ZFP90: variants seen among roughly 807,000 people sequenced by gnomAD.
ZFP90 encodes ZFP90 zinc finger protein.
ZFP90 carries 38 observed loss-of-function variants against 60.8 expected under a neutral mutation model. That is an observed-to-expected ratio of 0.62 (90% CI 0.48 to 0.82). The LOEUF (loss-of-function observed/expected upper bound fraction) is 0.82, where lower values mean the gene tolerates loss of function less well. Ranked by LOEUF, ZFP90 falls within the 40% of genes least tolerant of loss-of-function variation. The probability of loss-of-function intolerance (pLI) is 0.00; values close to 1 mark genes in which losing one functional copy is unlikely to be tolerated. For synonymous variants in ZFP90, 287 were observed against 264.8 expected (o/e 1.08, Z -0.82); for missense variants, 711 against 759.1 (o/e 0.94, Z 0.74).
chr16:68,564,180 T>A lies in ZFP90; in HGVS notation c.1393T>A (p.Phe465Ile), dbSNP rs750222788. ...GGAAGACTTTAGTCACATTACAGAC[T>A]TTACTGACCATCAGAGGATCCATAC... ...CGEDFSHITD[F>I]TDHQRIHTAE... Residue 465 changes from phenylalanine (F) to isoleucine (I), a missense_variant, in exon 5 of 5, where the codon TTT becomes ATT. Phe to Ile is a conservative substitution (Grantham distance 21). Transcript: ENST00000563169. The A allele has an allele frequency of 3.1e-6, 5 of 1,614,112 alleles. No individual in the cohort carries two copies. In the South Asian group the frequency reaches 5.5e-5, roughly 18 times the overall value.
rs2091534931 is a variant in ZFP90 at position 68,566,780 on chromosome 16, G to A, written c.*2082G>A. On this transcript the variant is annotated 3_prime_UTR_variant, in exon 5 of 5. Transcript: ENST00000563169. ...TCAGGAACTCATTATGCTACTGGTTGTTTGGGGATCCCCATAGTGGACTAC... is the reference window on the plus strand; with the variant it reads ...TCAGGAACTCATTATGCTACTGGTTATTTGGGGATCCCCATAGTGGACTAC... The A allele has an allele frequency of 1.0e-6, 1 of 985,580 alleles. No homozygotes were observed. Among genetic ancestry groups the A allele is most frequent in the African/African-American group, 1.7e-5 (1 of 57,348 alleles). 61.1% of individuals were successfully genotyped at this position (985,580 alleles called of 1,614,324 possible). A position where few individuals can be genotyped will look rare whatever the true frequency, so the allele number is the denominator to read the frequency against.
chr16:68,564,248 A>C lies in ZFP90; in HGVS notation c.1461A>C (p.Gln487His). The stretch of plus-strand genomic sequence containing the variant: ...ATTGTGAGCAGGCTTTTAGTCAGCA[A>C]GCTATTTCTCATCCTGGAGAGAAAC... The part of the protein sequence containing the change: ...PYDCEQAFSQ[Q>H]AISHPGEKPY... The change falls in exon 5 of 5, where the codon CAA (glutamine) becomes CAC (histidine). Residue 487 changes from glutamine (Q) to histidine (H), a missense_variant. Around this residue, in one of 5 missense-constraint regions of ZFP90, gnomAD observed 295 missense variants for 274.0 expected, o/e 1.08. Coordinates refer to ENST00000563169, the MANE Select transcript of ZFP90 (RefSeq NM_001305203.2). 1 of 1,613,908 alleles carries C rather than the reference A, an allele frequency of 6.2e-7. No homozygotes were observed. The highest frequency in any genetic ancestry group is 8.5e-7 in the Non-Finnish European group (1 of 1,179,962).
chr16:68,537,833 G>GT (rs557577894), upstream of ZFP90, among the ~76,000 whole-genome samples: 88 of 152,150 alleles, frequency 5.8e-4, no homozygotes, highest in Non-Finnish European at 1.1e-3. Flanking sequence ...CTATTGACGT[G>GT]TTATTTCATT....
chr16:68,536,657 C>T (rs1447857333), upstream of ZFP90, among the ~76,000 whole-genome samples: 1 of 152,114 alleles, frequency 6.6e-6, no homozygotes, highest in African/African-American at 2.4e-5. Context: ...AGAGGGGTGG[C>T]ATTGCGTCAG....
chr16:68,535,397 TC>T (rs2090952858), upstream of ZFP90: 1 of 152,238 alleles, frequency 6.6e-6, no homozygotes, highest in East Asian at 1.9e-4. Flanking sequence ...ATCTATGGAG[TC>T]CCAATTTTTA....
downstream of ZFP90, among the ~76,000 whole-genome samples, chr16:68,569,131 TCCCA>T (rs2091553883): frequency 7.9e-6 from 1 of 126,086 alleles, no homozygotes; most frequent in South Asian, 2.7e-4. Context: ...TGACAATTAG[TCCCA>T]CTTTTTTTTT....
At position 68,566,369 on chromosome 16, in the gene ZFP90, C is replaced by T. The variant is rs1399914827; in HGVS notation, c.*1671C>T. The T allele has an allele frequency of 2.0e-6, 2 of 985,538 alleles. No homozygotes were observed. The allele number at this position is 985,538 out of a possible 1,614,324, so 61.0% of individuals were successfully genotyped here. ...AATTTTCCCAGCCCTAAATATGAATCATGGGGCAAGATATTGGTCGTATTG... is the reference window on the plus strand; with the variant it reads ...AATTTTCCCAGCCCTAAATATGAATTATGGGGCAAGATATTGGTCGTATTG... On this transcript the variant is annotated 3_prime_UTR_variant, in exon 5 of 5. Transcript: ENST00000563169.
At chr16:68,540,427 C>T (rs1028647987) in intron 2 of ZFP90, among the ~76,000 whole-genome samples, 1 of 152,194 alleles carries the variant, frequency 6.6e-6, no homozygotes, top group Non-Finnish European at 1.5e-5. Flanking sequence ...GAGCAACTCA[C>T]TCCCCACCGC....
intron 2 of ZFP90, among the ~76,000 whole-genome samples, chr16:68,552,455 C>T (rs2091278357): frequency 6.6e-6 from 1 of 152,064 alleles, no homozygotes; most frequent in Non-Finnish European, 1.5e-5. Flanking sequence ...GGGAGGGGGA[C>T]ACAGCCCAGA....
intron 2 of ZFP90, 61 bp from the exon 3 acceptor site, chr16:68,557,937 A>C: frequency 1.2e-6 from 2 of 1,608,034 alleles, no homozygotes; most frequent in Non-Finnish European, 1.7e-6. Context: ...GTATGTTCCC[A>C]GCATTGCCTT....
At chr16:68,548,480 T>A (rs2091194921) in intron 2 of ZFP90, among the ~76,000 whole-genome samples, 1 of 11,216 alleles carries the variant, frequency 8.9e-5, no homozygotes, top group South Asian at 3.1e-3. Flanking sequence ...CCTCCTTTTT[T>A]TTTTTTTTTT....
chr16:68,566,406 T>A lies in ZFP90; in HGVS notation c.*1708T>A, dbSNP rs1227714344. 1.0e-6 allele frequency: 1 copy of A among 985,454 alleles called. No individual in the cohort carries two copies. The highest frequency in any genetic ancestry group is 1.2e-6 in the Non-Finnish European group (1 of 829,930). 61.0% of individuals were successfully genotyped at this position (985,454 alleles called of 1,614,324 possible). A position where few individuals can be genotyped will look rare whatever the true frequency, so the allele number is the denominator to read the frequency against. On this transcript the variant is annotated 3_prime_UTR_variant, in exon 5 of 5. Transcript: ENST00000563169. Reference sequence around the variant, plus strand: ...TATTGGTCGTATTGATGGTGAACCTTTCCTACTGGATTCTTTGCATGCCAC... The same window carrying A: ...TATTGGTCGTATTGATGGTGAACCTATCCTACTGGATTCTTTGCATGCCAC...
Position 68,552,626 on chromosome 16 carries a change from G to A in ZFP90, c.34-5372G>A, listed in dbSNP as rs533280257. ...GGTTTCAAGGAGCTGTAACTCTTCT[G>A]CATGGCCAAATGTTAGTGTCTGAGG... On this transcript the variant is annotated intron_variant, in intron 2 of 4. Coordinates refer to ENST00000563169, the MANE Select transcript of ZFP90 (RefSeq NM_001305203.2). Among the ~76,000 whole-genome samples, 6 of 152,326 alleles carry A rather than the reference G, an allele frequency of 3.9e-5. No individual in the cohort carries two copies. In the South Asian group the frequency reaches 1.2e-3, roughly 32 times the overall value.
intron 2 of ZFP90, among the ~76,000 whole-genome samples, chr16:68,575,036 C>A (rs2091586955): frequency 6.6e-6 from 1 of 152,028 alleles, no homozygotes; most frequent in Non-Finnish European, 1.5e-5. Context: ...GATGAAGACA[C>A]CCTCAGGAAA....
chr16:68,545,091 G>A (rs1322146662), intron 2 of ZFP90, among the ~76,000 whole-genome samples: 2 of 151,818 alleles, frequency 1.3e-5, no homozygotes, highest in Non-Finnish European at 2.9e-5. Flanking sequence ...ATGTTATCCA[G>A]GATGGTTTCG....
At chr16:68,544,176 A>G (rs1371268173) in intron 2 of ZFP90, among the ~76,000 whole-genome samples, 2 of 152,182 alleles carry the variant, frequency 1.3e-5, no homozygotes, top group African/African-American at 4.8e-5. Context: ...TAACATGTGT[A>G]CTACATTTTT....
chr16:68,561,513 A>T (rs2091438781), intron 4 of ZFP90, among the ~76,000 whole-genome samples: 1 of 152,172 alleles, frequency 6.6e-6, no homozygotes, highest in South Asian at 2.1e-4. Context: ...TATCATTTAT[A>T]TCATCTACAC....
rs772234361 is a variant in ZFP90, at chr16:68,539,817, G to T, written c.25G>T (p.Ala9Ser). Residue 9 changes from alanine (A) to serine (S), a missense_variant, in exon 2 of 5, where the codon GCG becomes TCG. By Grantham distance (99) the Ala-to-Ser change is moderately conservative (BLOSUM62 1). This residue lies in a region of ZFP90 where 27 missense variants were observed against 17.9 expected (regional missense o/e 1.50). Coordinates refer to ENST00000563169, the MANE Select transcript of ZFP90 (RefSeq NM_001305203.2). Reference protein sequence around the residue: MAPRPPTAAPQESVTFKDV... With the variant: MAPRPPTASPQESVTFKDV... ...AATGGCCCCGAGGCCTCCGACCGCC[G>T]CGCCCCAGGTGAGCAACGCGTTCCT... 4 of 1,605,716 alleles carry T rather than the reference G, an allele frequency of 2.5e-6. No homozygotes were observed. The Admixed American group carries it at 6.7e-5, about 27-fold the overall frequency.
At chr16:68,540,440 G>A (rs2091021091) in intron 2 of ZFP90, among the ~76,000 whole-genome samples, 1 of 152,194 alleles carries the variant, frequency 6.6e-6, no homozygotes, top group South Asian at 2.1e-4. Context: ...CCCACCGCCA[G>A]AAGTCCAGCC....
Sources: gnomAD v4.1 joint callset for allele counts (sites outside exome capture counted in the v4.1 genomes callset) on GRCh38, gnomAD v4.1.1 for gene constraint, gnomAD v4.1.1 regional missense constraint, MANE v1.5 for transcripts, NCBI Gene and HGNC (gene_info 2026-07-23, HGNC 2026-07-21) for gene names.